ZC3H8: variants seen among roughly 807,000 people sequenced by gnomAD.
ZC3H8 encodes the protein zinc finger CCCH domain-containing protein 8.
ZC3H8 carries 27 observed loss-of-function variants against 42.5 expected under a neutral mutation model. The ratio of observed to expected loss-of-function variants is 0.64; its 90% CI spans 0.47 to 0.88. The LOEUF (loss-of-function observed/expected upper bound fraction) is 0.88. Among genes scored for constraint, ZC3H8 ranks in the 40% least tolerant of loss-of-function variants. The pLI is 0.00. For missense variants in ZC3H8, 277 were observed against 336.1 expected (o/e 0.82, Z 1.37); for synonymous variants, 101 against 110.1 (o/e 0.92, Z 0.52).
intron 7 of ZC3H8, 115 bp downstream of exon 7, chr2:112,231,723 A>G: frequency 4.1e-6 from 2 of 488,448 alleles, no homozygotes; most frequent in Non-Finnish European, 7.1e-6. Flanking sequence ...GTCCTAATAT[A>G]TCCCATATGC....
In ZC3H8 at chr2:112,214,552, A is replaced by T. The variant is rs1402754754; in HGVS notation, c.*1932T>A. 6.6e-6 allele frequency: 1 copy of T among 152,144 alleles called. No individual in the cohort carries two copies. Among genetic ancestry groups the T allele is most frequent in the Non-Finnish European group, 1.5e-5 (1 of 68,088 alleles). The allele number at this position is 152,144 out of a possible 1,614,324, so 9.4% of individuals were successfully genotyped here. Reference sequence around the variant, plus strand: ...TACTTCACAGGAGGAAACCAAGGGGAGCAGAGGGAAGTAGGAAGCCCGGCT... The same window carrying T: ...TACTTCACAGGAGGAAACCAAGGGGTGCAGAGGGAAGTAGGAAGCCCGGCT... On this transcript the variant is annotated 3_prime_UTR_variant, in exon 9 of 9. Coordinates refer to ENST00000409573, the MANE Select transcript of ZC3H8 (RefSeq NM_032494.3).
chr2:112,235,626 T>C (rs566651301), intron 4 of ZC3H8, among the ~76,000 whole-genome samples: 13 of 152,216 alleles, frequency 8.5e-5, no homozygotes, highest in African/African-American at 2.6e-4. Context: ...ATAAAAAAAG[T>C]TGCCATCCAG....
At chr2:112,252,712 C>T (rs528841596) in intron 1 of ZC3H8, among the ~76,000 whole-genome samples, 14 of 152,142 alleles carry the variant, frequency 9.2e-5, no homozygotes, top group Non-Finnish European at 1.8e-4. Flanking sequence ...AAGCTCACTC[C>T]GTCTGAGGAC....
At chr2:112,231,086 C>A in intron 7 of ZC3H8, 136 bp from the exon 8 acceptor site, 1 of 521,746 alleles carries the variant, frequency 1.9e-6, no homozygotes. Flanking sequence ...ACTACTACTA[C>A]AGGAACTGAA....
chr2:112,254,180 C>G lies in ZC3H8; in HGVS notation c.74+728G>C, dbSNP rs1686047399. 6 of 983,642 alleles carry G rather than the reference C, an allele frequency of 6.1e-6. No individual in the cohort carries two copies. The African/African-American group carries it at 8.7e-5, about 14-fold the overall frequency. 60.9% of individuals were successfully genotyped at this position (983,642 alleles called of 1,614,324 possible). On this transcript the variant is annotated intron_variant, in intron 1 of 8. Transcript: ENST00000409573. The stretch of plus-strand genomic sequence containing the variant: ...CAATATCGAATGGTAAAATCAATCA[C>G]AACTGGAAATATATCTCAGTTGAGG...
chr2:112,231,526 A>AT (rs1327342979), intron 7 of ZC3H8, among the ~76,000 whole-genome samples: 1 of 152,218 alleles, frequency 6.6e-6, no homozygotes, highest in Non-Finnish European at 1.5e-5. Flanking sequence ...AAGAATCTTT[A>AT]TAACAGGAGT....
At chr2:112,252,084 T>C (rs1685969028) in intron 1 of ZC3H8, among the ~76,000 whole-genome samples, 1 of 152,220 alleles carries the variant, frequency 6.6e-6, no homozygotes, top group Non-Finnish European at 1.5e-5. Flanking sequence ...CCTTTCTATA[T>C]CATCACTATG....
chr2:112,229,856 T>C (rs1347487333), intron 8 of ZC3H8, among the ~76,000 whole-genome samples: 2 of 151,082 alleles, frequency 1.3e-5, no homozygotes, highest in African/African-American at 2.4e-5. Context: ...TGACAGGGAA[T>C]AATTTCTTAA....
chr2:112,232,084 CAGATCA>C, intron 6 of ZC3H8, 137 bp from the exon 7 acceptor site: 1 of 437,590 alleles, frequency 2.3e-6, no homozygotes, highest in South Asian at 5.3e-5. Context: ...CGGAGGTGGG[CAGATCA>C]CTTGAGGCCA....
intron 2 of ZC3H8, among the ~76,000 whole-genome samples, chr2:112,246,734 T>G (rs762698762): frequency 6.6e-6 from 1 of 152,220 alleles, no homozygotes; most frequent in South Asian, 2.1e-4. Flanking sequence ...TGAACATTGT[T>G]GAAATGACAA....
chr2:112,240,099 A>G (rs957724095), intron 2 of ZC3H8, among the ~76,000 whole-genome samples: 1 of 152,242 alleles, frequency 6.6e-6, no homozygotes, highest in African/African-American at 2.4e-5. Flanking sequence ...TCTTGTCTCT[A>G]GGTCTTCAAG....
intron 8 of ZC3H8, among the ~76,000 whole-genome samples, chr2:112,223,145 T>A (rs901434063): frequency 2.0e-5 from 3 of 151,972 alleles, no homozygotes; most frequent in Admixed American, 1.3e-4. Flanking sequence ...CATTAGGAGA[T>A]ATACCTAATG....
At chr2:112,253,617 C>A (rs925713950) in intron 1 of ZC3H8, among the ~76,000 whole-genome samples, 4 of 152,184 alleles carry the variant, frequency 2.6e-5, no homozygotes, top group African/African-American at 9.7e-5. Flanking sequence ...GACAGCTCAC[C>A]ATACTTCCAT....
At chr2:112,234,895 T>C (rs540409970) in intron 4 of ZC3H8, among the ~76,000 whole-genome samples, 7 of 152,040 alleles carry the variant, frequency 4.6e-5, no homozygotes, top group Non-Finnish European at 8.8e-5. Flanking sequence ...AGAGACAAAG[T>C]TGGAAATCAG....
At position 112,231,628 on chromosome 2, in the gene ZC3H8, A is replaced by G. The variant is rs572190745; in HGVS notation, c.843+210T>C. 3.3e-5 allele frequency among the ~76,000 whole-genome samples: 5 copies of G among 152,334 alleles called. No homozygotes were observed. The East Asian group carries it at 7.7e-4, about 23-fold the overall frequency. ...AAGATTTTACATCTTTCCAACTTAA[A>G]TCAGCAATGAATATACATCTTCCTT... On this transcript the variant is annotated intron_variant, in intron 7 of 8. Transcript: ENST00000409573.
At chr2:112,230,005 C>T (rs1441410899) in intron 8 of ZC3H8, among the ~76,000 whole-genome samples, 2 of 148,670 alleles carry the variant, frequency 1.3e-5, no homozygotes, top group East Asian at 1.9e-4. Flanking sequence ...GCCACACATA[C>T]CTCACAAAGA....
chr2:112,243,300 C>T (rs911864662), intron 2 of ZC3H8, among the ~76,000 whole-genome samples: 2 of 152,170 alleles, frequency 1.3e-5, no homozygotes, highest in African/African-American at 4.8e-5. Flanking sequence ...CTTTGATTGG[C>T]AGTGACTCAT....
chr2:112,223,448 CT>C (rs1010498586), intron 8 of ZC3H8, among the ~76,000 whole-genome samples: 1 of 151,842 alleles, frequency 6.6e-6, no homozygotes, highest in African/African-American at 2.4e-5. Flanking sequence ...TAGCAGAAAG[CT>C]TTTTTTAGCA....
chr2:112,244,591 G>C (rs1008951801), intron 2 of ZC3H8, among the ~76,000 whole-genome samples: 2 of 152,112 alleles, frequency 1.3e-5, no homozygotes, highest in East Asian at 3.8e-4. Context: ...GAAGGTCTGT[G>C]GCAACCCTGC....
Sources: gnomAD v4.1 joint callset for allele counts (sites outside exome capture counted in the v4.1 genomes callset) on GRCh38, gnomAD v4.1.1 for gene constraint, MANE v1.5 for transcripts, NCBI Gene and HGNC (gene_info 2026-07-23, HGNC 2026-07-21) for gene names.